Variants in ERBB4 observed in about 807,000 individuals in gnomAD.
ERBB4 encodes the protein receptor tyrosine-protein kinase erbB-4.
Under a neutral mutation model 158.0 loss-of-function variants are expected in ERBB4, and 42 were observed. That is an observed-to-expected ratio of 0.27 (90% CI 0.21 to 0.34). ERBB4 has a LOEUF of 0.34. Among genes scored for constraint, ERBB4 ranks in the 10% least tolerant of loss-of-function variants. The pLI, the probability that ERBB4 is intolerant of heterozygous loss-of-function variation, is 1.00. For synonymous variants in ERBB4, 583 were observed against 558.7 expected (o/e 1.04, Z -0.61); for missense variants, 1,333 against 1,624.1 (o/e 0.82, Z 3.08).
chr2:211,510,132 T>C (rs774455884), intron 20 of ERBB4, among the ~76,000 whole-genome samples: 3 of 152,104 alleles, frequency 2.0e-5, no homozygotes, highest in Non-Finnish European at 2.9e-5. Flanking sequence ...ATACCTGCAC[T>C]TATATGTTTA....
intron 20 of ERBB4, among the ~76,000 whole-genome samples, chr2:211,553,037 C>T (rs962398044): frequency 3.3e-5 from 5 of 151,512 alleles, no homozygotes; most frequent in East Asian, 2.0e-4. Flanking sequence ...GGCATGATCT[C>T]GGCTCACTGC....
chr2:212,032,283 T>C (rs948683622), intron 2 of ERBB4, among the ~76,000 whole-genome samples: 1 of 152,060 alleles, frequency 6.6e-6, no homozygotes, highest in Non-Finnish European at 1.5e-5. Context: ...GTGGTTATAG[T>C]GCAAAACCTA....
In ERBB4 at chr2:211,538,233, G is replaced by A. The variant is rs915815859; in HGVS notation, c.2487+23670C>T. On this transcript the variant is annotated intron_variant, in intron 20 of 27. Transcript: ENST00000342788. ...AGGTATCCCTTTTGCAATACTTCACGCAGGAGATGATATAGTCTTTACTTA... is the reference window on the plus strand; with the variant it reads ...AGGTATCCCTTTTGCAATACTTCACACAGGAGATGATATAGTCTTTACTTA... Among the ~76,000 whole-genome samples the A allele has an allele frequency of 1.1e-4, 16 of 145,326 alleles. No individual in the cohort carries two copies. The East Asian group carries it at 1.2e-3, about 11-fold the overall frequency.
At chr2:212,116,419 T>G (rs890544222) in intron 2 of ERBB4, among the ~76,000 whole-genome samples, 4 of 152,198 alleles carry the variant, frequency 2.6e-5, no homozygotes, top group Non-Finnish European at 4.4e-5. Flanking sequence ...CAGAGGAAAC[T>G]CATAGATGTA....
At chr2:211,902,622 T>G (rs746099528) in intron 3 of ERBB4, among the ~76,000 whole-genome samples, 1 of 151,854 alleles carries the variant, frequency 6.6e-6, no homozygotes, top group South Asian at 2.1e-4. Context: ...CTGAATTCTT[T>G]AAATATCTGG....
At chr2:211,460,247 C>CT (rs923188079) in intron 20 of ERBB4, among the ~76,000 whole-genome samples, 3 of 151,820 alleles carry the variant, frequency 2.0e-5, no homozygotes, top group African/African-American at 4.8e-5. Flanking sequence ...AAGTCAAATG[C>CT]TTTTTTTTAT....
chr2:211,421,002 G>C (rs943440552), intron 24 of ERBB4, among the ~76,000 whole-genome samples: 1 of 151,868 alleles, frequency 6.6e-6, no homozygotes, highest in Admixed American at 6.6e-5. Flanking sequence ...TGGTTGGTTT[G>C]ATGCTGTAGG....
intron 3 of ERBB4, among the ~76,000 whole-genome samples, chr2:211,931,334 T>G (rs977982898): frequency 6.6e-6 from 1 of 152,122 alleles, no homozygotes; most frequent in Admixed American, 6.6e-5. Flanking sequence ...CGTTGTTATC[T>G]CTATGCCAGA....
intron 19 of ERBB4, among the ~76,000 whole-genome samples, chr2:211,609,717 G>A (rs191853765): frequency 3.2e-4 from 49 of 152,222 alleles, no homozygotes; most frequent in Non-Finnish European, 6.0e-4. Context: ...TAGAGATGGG[G>A]TCTTGCTACC....
chr2:211,678,361 A>T (rs1181000973), intron 13 of ERBB4, among the ~76,000 whole-genome samples: 2 of 151,890 alleles, frequency 1.3e-5, no homozygotes, highest in Non-Finnish European at 2.9e-5. Flanking sequence ...GATGAAATTT[A>T]TAGAGAAGTA....
intron 1 of ERBB4, among the ~76,000 whole-genome samples, chr2:212,402,591 G>A (rs1204007572): frequency 6.6e-6 from 1 of 152,008 alleles, no homozygotes; most frequent in Non-Finnish European, 1.5e-5. Context: ...TGTGACTACT[G>A]TGTTAACTGA....
chr2:211,612,807 C>G (rs141118997), intron 19 of ERBB4, among the ~76,000 whole-genome samples: 1 of 151,842 alleles, frequency 6.6e-6, no homozygotes, highest in Non-Finnish European at 1.5e-5. Context: ...ATTAAGATGA[C>G]GACAAAAGAG....
At chr2:211,628,303 T>A (rs921879767) in intron 17 of ERBB4, among the ~76,000 whole-genome samples, 1 of 152,224 alleles carries the variant, frequency 6.6e-6, no homozygotes, top group Non-Finnish European at 1.5e-5. Flanking sequence ...TATCTCCTAA[T>A]GCTATCCCTC....
intron 17 of ERBB4, among the ~76,000 whole-genome samples, chr2:211,624,410 G>GA (rs914249630): frequency 8.6e-5 from 13 of 151,922 alleles, no homozygotes. Context: ...GAGGAGAGGG[G>GA]AAAAAAACGC....
chr2:211,798,550 A>G (rs2076431638), intron 3 of ERBB4, among the ~76,000 whole-genome samples: 1 of 152,100 alleles, frequency 6.6e-6, no homozygotes, highest in Admixed American at 6.6e-5. Flanking sequence ...TATATACAAA[A>G]CTCCAGTTAC....
intron 3 of ERBB4, among the ~76,000 whole-genome samples, chr2:211,862,390 G>A (rs983564): frequency 0.82 from 124,781 of 152,042 alleles, 51,407 homozygotes; most frequent in Non-Finnish European, 0.86. Flanking sequence ...ATTCAGTAGA[G>A]AATATATGCT....
chr2:212,091,495 T>C (rs571888929), intron 2 of ERBB4, among the ~76,000 whole-genome samples: 3 of 152,106 alleles, frequency 2.0e-5, no homozygotes, highest in Admixed American at 6.6e-5. Context: ...CAAATTTACT[T>C]GCAGTATTGT....
intron 2 of ERBB4, among the ~76,000 whole-genome samples, chr2:211,981,784 CATT>C (rs1356137389): frequency 1.3e-5 from 2 of 152,158 alleles, no homozygotes; most frequent in Non-Finnish European, 2.9e-5. Context: ...TAAATATTTG[CATT>C]TGCCTCTGAA....
chr2:211,824,781 G>A (rs544227869), intron 3 of ERBB4, among the ~76,000 whole-genome samples: 61 of 151,840 alleles, frequency 4.0e-4, no homozygotes, highest in African/African-American at 1.4e-3. Flanking sequence ...ATAATTTTAC[G>A]TTATTTTTCC....
Sources: allele counts gnomAD v4.1 joint callset (sites outside exome capture counted in the v4.1 genomes callset), GRCh38; gene constraint gnomAD v4.1.1; transcripts MANE v1.5; gene names NCBI Gene and HGNC (gene_info 2026-07-23, HGNC 2026-07-21).